SMAP1: variants seen among roughly 807,000 people sequenced by gnomAD.
SMAP1 encodes the protein small ArfGAP 1.
SMAP1 carries 24 observed loss-of-function variants against 58.5 expected under a neutral mutation model. That is an observed-to-expected ratio of 0.41 (90% CI 0.30 to 0.58). The LOEUF is 0.58. Among genes scored for constraint, SMAP1 ranks in the 20% least tolerant of loss-of-function variants. The pLI is 0.29. For synonymous variants in SMAP1, 216 were observed against 196.6 expected, an observed-to-expected ratio of 1.10 and a Z score of -0.82; for missense variants, 563 against 566.3, an observed-to-expected ratio of 0.99 and a Z score of 0.06.
intron 1 of SMAP1, among the ~76,000 whole-genome samples, chr6:70,726,742 T>G (rs1768802144): frequency 6.6e-6 from 1 of 152,134 alleles, no homozygotes; most frequent in Non-Finnish European, 1.5e-5. Context: ...TGTAATGTCT[T>G]TTACACTATT....
chr6:70,701,724 T>C (rs909849070), intron 1 of SMAP1, among the ~76,000 whole-genome samples: 1 of 152,178 alleles, frequency 6.6e-6, no homozygotes, highest in South Asian at 2.1e-4. Context: ...ATACAGCTGC[T>C]GTCCAGGGGG....
At chr6:70,824,122 TAC>T (rs1269647846) in intron 6 of SMAP1, among the ~76,000 whole-genome samples, 1 of 152,198 alleles carries the variant, frequency 6.6e-6, no homozygotes, top group Non-Finnish European at 1.5e-5. Context: ...TTTTCAGGGC[TAC>T]AGTTTGCCTT....
intron 3 of SMAP1, among the ~76,000 whole-genome samples, chr6:70,767,490 T>A (rs1271865153): frequency 6.6e-6 from 1 of 152,166 alleles, no homozygotes; most frequent in Non-Finnish European, 1.5e-5. Flanking sequence ...GATTCCTAAG[T>A]ATTTTATTAT....
chr6:70,714,910 C>A (rs535437902), intron 1 of SMAP1, among the ~76,000 whole-genome samples: 1 of 152,012 alleles, frequency 6.6e-6, no homozygotes, highest in South Asian at 2.1e-4. Flanking sequence ...TTTCTTTCTG[C>A]ACTTTGCATA....
Position 70,690,328 on chromosome 6 carries a change from C to T in SMAP1, c.118+22187C>T, listed in dbSNP as rs1183096633. Among the ~76,000 whole-genome samples the T allele has an allele frequency of 7.3e-5, 11 of 151,548 alleles. No individual in the cohort carries two copies. The South Asian group carries it at 8.3e-4, about 11-fold the overall frequency. ...AATCTTTTTTTTTTGTTTTTTGAGA[C>T]GGACTTTCGCTCTTGTTGCCCAGGC... On this transcript the variant is annotated intron_variant, in intron 1 of 10. Coordinates refer to ENST00000370455, the MANE Select transcript of SMAP1 (RefSeq NM_001044305.3).
At chr6:70,680,900 G>A (rs1766680491) in intron 1 of SMAP1, among the ~76,000 whole-genome samples, 2 of 151,474 alleles carry the variant, frequency 1.3e-5, no homozygotes, top group Admixed American at 1.3e-4. Flanking sequence ...TGTATTTTTA[G>A]CAGAGGCGGG....
chr6:70,752,311 C>T (rs1766313466), intron 2 of SMAP1, among the ~76,000 whole-genome samples: 1 of 152,210 alleles, frequency 6.6e-6, no homozygotes, highest in South Asian at 2.1e-4. Context: ...CCCAGTTCCA[C>T]TGGATGAAGC....
chr6:70,685,846 CTG>C (rs977854346), intron 1 of SMAP1, among the ~76,000 whole-genome samples: 5 of 152,234 alleles, frequency 3.3e-5, no homozygotes, highest in African/African-American at 9.6e-5. Context: ...TGAAGGAAGA[CTG>C]TAAGGAAAAC....
At chr6:70,712,313 T>C (rs1358083223) in intron 1 of SMAP1, among the ~76,000 whole-genome samples, 1 of 152,236 alleles carries the variant, frequency 6.6e-6, no homozygotes, top group African/African-American at 2.4e-5. Flanking sequence ...ATCTTTTTAA[T>C]GTGTTGTTGA....
rs946043009 is a variant in SMAP1 at position 70,861,735 on chromosome 6, G to A, written c.*1401G>A. The A allele has an allele frequency of 1.2e-6, 2 of 1,614,080 alleles. No homozygotes were observed. Among genetic ancestry groups the A allele is most frequent in the Non-Finnish European group, 1.7e-6 (2 of 1,179,976 alleles). Reference sequence around the variant, plus strand: ...CTAGATTAACCTTCTCTGTCCGAGTGTGCCACACGAGAACCTGAAGGGGAA... The same window carrying A: ...CTAGATTAACCTTCTCTGTCCGAGTATGCCACACGAGAACCTGAAGGGGAA... On this transcript the variant is annotated 3_prime_UTR_variant, in exon 11 of 11. Coordinates refer to ENST00000370455, the MANE Select transcript of SMAP1 (RefSeq NM_001044305.3).
chr6:70,802,637 T>A (rs1259272570), intron 6 of SMAP1, among the ~76,000 whole-genome samples: 1 of 152,204 alleles, frequency 6.6e-6, no homozygotes, highest in Non-Finnish European at 1.5e-5. Flanking sequence ...ATATTGGCTG[T>A]GGGTTTGTCA....
chr6:70,670,707 A>T (rs548432341), intron 1 of SMAP1, among the ~76,000 whole-genome samples: 1 of 152,300 alleles, frequency 6.6e-6, no homozygotes, highest in South Asian at 2.1e-4. Context: ...GTTATTTCCT[A>T]GTTAACTCAA....
At chr6:70,800,877 A>T (rs1308859143) in intron 6 of SMAP1, among the ~76,000 whole-genome samples, 4 of 152,186 alleles carry the variant, frequency 2.6e-5, no homozygotes, top group African/African-American at 4.8e-5. Context: ...GTAGTATTCC[A>T]TGGTGTATAT....
intron 4 of SMAP1, among the ~76,000 whole-genome samples, chr6:70,781,901 G>C (rs911199565): frequency 6.6e-6 from 1 of 152,026 alleles, no homozygotes; most frequent in Non-Finnish European, 1.5e-5. Context: ...TTCACATATC[G>C]GTTACTTTGA....
chr6:70,718,568 T>G (rs1232137061), intron 1 of SMAP1, among the ~76,000 whole-genome samples: 1 of 152,092 alleles, frequency 6.6e-6, no homozygotes, highest in African/African-American at 2.4e-5. Flanking sequence ...ATACCTATAA[T>G]CCCAGCACTA....
intron 8 of SMAP1, 28 bp downstream of exon 8, chr6:70,852,692 G>A: frequency 6.6e-7 from 1 of 1,510,682 alleles, no homozygotes; most frequent in Non-Finnish European, 8.9e-7. Context: ...GGTTTTATAT[G>A]GTCACTGCTT....
intron 3 of SMAP1, among the ~76,000 whole-genome samples, chr6:70,761,273 G>A (rs1443360375): frequency 6.6e-6 from 1 of 152,020 alleles, no homozygotes; most frequent in Non-Finnish European, 1.5e-5. Context: ...GCTGTACTGA[G>A]TGCTTTATAA....
intron 4 of SMAP1, among the ~76,000 whole-genome samples, chr6:70,776,275 C>T (rs1025321447): frequency 2.6e-5 from 4 of 152,098 alleles, no homozygotes; most frequent in Non-Finnish European, 1.5e-5. Flanking sequence ...CTCTGCCTTG[C>T]GGGTTCAAGC....
intron 9 of SMAP1, 66 bp from the exon 10 acceptor site, chr6:70,857,856 A>AT (rs1771499256): frequency 9.1e-6 from 14 of 1,546,912 alleles, no homozygotes; most frequent in Non-Finnish European, 1.2e-5. Flanking sequence ...TTTTTCTGTG[A>AT]TTATAGAGAT....
Sources: gnomAD v4.1 joint callset for allele counts (sites outside exome capture counted in the v4.1 genomes callset) on GRCh38, gnomAD v4.1.1 for gene constraint, MANE v1.5 for transcripts, NCBI Gene and HGNC (gene_info 2026-07-23, HGNC 2026-07-21) for gene names.